MKI67: variants seen among roughly 807,000 people sequenced by gnomAD.
MKI67 encodes marker of proliferation Ki-67, also known as proliferation marker protein Ki-67.
Under a neutral mutation model 233.5 loss-of-function variants are expected in MKI67, and 152 were observed. That is an observed-to-expected ratio of 0.65 (90% CI 0.57 to 0.74). The LOEUF (loss-of-function observed/expected upper bound fraction) is 0.74, where lower values mean the gene tolerates loss of function less well. Ranked by LOEUF, MKI67 falls within the 30% of genes least tolerant of loss-of-function variation. The pLI is 0.00. For synonymous variants in MKI67, 1,465 were observed against 1,418.5 expected (o/e 1.03, Z -0.74); for missense variants, 3,940 against 3,885.2 (o/e 1.01, Z -0.37).
chr10:128,105,396 T>A lies in MKI67; in HGVS notation c.6444A>T (p.Lys2148Asn), dbSNP rs1192679657. ...KQLTQTTHTD[K>N]VPGDEDKGIN... ...TGCCTTTATCCTCATCTCCTGGTAC[T>A]TTGTCTGTGTGTGTGGTCTGTGTGA... The change falls in exon 13 of 15, where the codon AAA (lysine) becomes AAT (asparagine). Residue 2148 changes from lysine to asparagine, a missense_variant. Coordinates refer to ENST00000368654, the MANE Select transcript of MKI67 (RefSeq NM_002417.5). 5 of 1,614,202 alleles carry A rather than the reference T, an allele frequency of 3.1e-6. No individual in the cohort carries two copies. The highest frequency in any genetic ancestry group is 4.2e-6 in the Non-Finnish European group (5 of 1,180,026).
chr10:128,107,856 G>T lies in MKI67; in HGVS notation c.3984C>A (p.Gly1328=). The T allele has an allele frequency of 6.2e-7, 1 of 1,613,358 alleles. No homozygotes were observed. Among genetic ancestry groups the T allele is most frequent in the South Asian group, 1.1e-5 (1 of 91,054 alleles). Residue 1328 remains glycine, a synonymous_variant, in exon 13 of 15, where the codon GGC becomes GGA. Transcript: ENST00000368654. ...QKLDLTENLT[G]SKRRPQTPKE... ...TAGGAGTTTGTGGCCGTCTCTTGCT[G>T]CCGGTTAAGTTCTCTGTCAGGTCCA...
Position 128,121,463 on chromosome 10 carries a change from T to TATATATA in MKI67, c.287+1411_287+1417dup, listed in dbSNP as rs1298307900. Among the ~76,000 whole-genome samples, 4 of 139,424 alleles carry TATATATA rather than the reference T, an allele frequency of 2.9e-5. No homozygotes were observed. In the Admixed American group the frequency reaches 3.1e-4, roughly 11 times the overall value. The allele number at this position is 139,424 out of a possible 152,430, so 91.5% of individuals were successfully genotyped here. On this transcript the variant is annotated intron_variant, in intron 4 of 14. Transcript: ENST00000368654. The stretch of plus-strand genomic sequence containing the variant: ...ACTGTATACAGTATATACTATATGG[T>TATATATA]ATATATAATATATATTATTATATTA...
chr10:128,105,868 G>A lies in MKI67; in HGVS notation c.5972C>T (p.Thr1991Ile). The change falls in exon 13 of 15, where the codon ACC (threonine) becomes ATC (isoleucine). Residue 1991 changes from threonine (T) to isoleucine (I), a missense_variant. Transcript: ENST00000368654. Reference sequence around the variant, plus strand: ...GAGTCGTTGCTTGGAGCTTGTTGGGGTTTTGACTGGGTCTGGTTGTGGAGA... The same window carrying A: ...GAGTCGTTGCTTGGAGCTTGTTGGGATTTTGACTGGGTCTGGTTGTGGAGA... ...CKSPQPDPVK[T>I]PTSSKQRLKI... 6.2e-7 allele frequency: 1 copy of A among 1,613,992 alleles called. No homozygotes were observed. The highest frequency in any genetic ancestry group is 8.5e-7 in the Non-Finnish European group (1 of 1,180,014).
Position 128,125,989 on chromosome 10 carries a change from C to T in MKI67, c.-90+110G>A. 1 of 374,122 alleles carries T rather than the reference C, an allele frequency of 2.7e-6. No homozygotes were observed. Among genetic ancestry groups the T allele is most frequent in the South Asian group, 2.3e-5 (1 of 42,958 alleles). The allele number at this position is 374,122 out of a possible 1,614,324, so 23.2% of individuals were successfully genotyped here. ...GCCCTCGCCAGAGCCCAGGAGGAGT[C>T]GGGCCCAGGCCGCGCGTCTGTCCCC... On this transcript the variant is annotated intron_variant, in intron 1 of 14. Transcript: ENST00000368654. This position sits in a 1 kb window ranked among gnomAD's most constrained non-coding sequence, Gnocchi z 5.3.
At position 128,105,794 on chromosome 10, in the gene MKI67, C is replaced by T. The variant is rs771980316; in HGVS notation, c.6046G>A (p.Gly2016Ser). 17 of 1,614,128 alleles carry T rather than the reference C, an allele frequency of 1.1e-5. No individual in the cohort carries two copies. The Middle Eastern group carries it at 4.9e-4, about 47-fold the overall frequency. Residue 2016 changes from glycine to serine, a missense_variant, in exon 13 of 15, where the codon GGC (glycine) becomes AGC (serine). Physicochemically the swap from Gly to Ser is moderately conservative, Grantham distance 56. Transcript: ENST00000368654. ...VGVKEEVLPV[G>S]KLTQTSGKTT... The stretch of plus-strand genomic sequence containing the variant: ...TTCCCTGACGTCTGTGTGAGCTTGC[C>T]GACTGGTAGGACCTCTTCTTTCACA...
rs763575402 is a variant in MKI67 at position 128,099,267 on chromosome 10, GA to G, written c.9706-13del. ...ACATTGTCCTCAGCCTGTGTGGGAA[GA>G]AAAAAAATAGAACTCTTAAGTAATT... On this transcript the variant is annotated splice_polypyrimidine_tract_variant and intron_variant, in intron 14 of 14. Transcript: ENST00000368654. The G allele has an allele frequency of 6.7e-5, 107 of 1,596,492 alleles. No individual in the cohort carries two copies. The highest frequency in any genetic ancestry group is 5.0e-4 in the Middle Eastern group (3 of 6,014).
At chr10:128,111,849 T>C (rs755369036) in intron 10 of MKI67, 33 bp from the exon 11 acceptor site, 1 of 1,610,474 alleles carries the variant, frequency 6.2e-7, no homozygotes, top group Non-Finnish European at 8.5e-7. Context: ...AAACAGGACA[T>C]TAAAGCATAA....
In MKI67 at chr10:128,105,355, T is replaced by C; in HGVS notation, c.6485A>G (p.Glu2162Gly). The change falls in exon 13 of 15, where the codon GAA becomes GGA. Residue 2162 changes from glutamate (E) to glycine (G), a missense_variant. Physicochemically the swap from Glu to Gly is moderately conservative, Grantham distance 98 (BLOSUM62 -2). Transcript: ENST00000368654. ...DEDKGINVFR[E>G]TAKQKLDPAA... The stretch of plus-strand genomic sequence containing the variant: ...TGGGTCCAGTTTCTGTTTTGCAGTT[T>C]CCCTGAACACGTTGATGCCTTTATC... The C allele has an allele frequency of 1.9e-6, 3 of 1,614,206 alleles. No homozygotes were observed. The highest frequency in any genetic ancestry group is 2.5e-6 in the Non-Finnish European group (3 of 1,180,042).
chr10:128,111,543 AATC>A, intron 11 of MKI67, 99 bp downstream of exon 11: 5 of 934,682 alleles, frequency 5.3e-6, no homozygotes, highest in East Asian at 5.6e-5. Context: ...TTTATTTTAT[AATC>A]TCTTTCACAG....
rs1292474822 is a variant in MKI67 at position 128,115,731 on chromosome 10, C to T, written c.677G>A (p.Cys226Tyr). Residue 226 changes from cysteine (C) to tyrosine (Y), a missense_variant, in exon 7 of 15, where the codon TGT (cysteine) becomes TAT (tyrosine). Cys to Tyr is a radical substitution (Grantham distance 194). Transcript: ENST00000368654. ...GELKSVPTTQ[C>Y]LDNSKKNESP... ...TTCATTTTTTTTGCTATTGTCAAGA[C>T]ATTGTGTAGTGGGAACAGACTTCAA... is the stretch of plus-strand genomic sequence containing the variant. 1.2e-6 allele frequency: 2 copies of T among 1,613,748 alleles called. No homozygotes were observed. The highest frequency in any genetic ancestry group is 1.7e-6 in the Non-Finnish European group (2 of 1,180,022).
rs921517837 is a variant in MKI67, at chr10:128,106,896, T to G, written c.4944A>C (p.Ala1648=). The G allele has an allele frequency of 6.2e-7, 1 of 1,614,090 alleles. No individual in the cohort carries two copies. Among genetic ancestry groups the G allele is most frequent in the Middle Eastern group, 1.6e-4 (1 of 6,062 alleles). The stretch of plus-strand genomic sequence containing the variant: ...CTGATGTCTGTGTGAGCTTGCCAAC[T>G]GCTAGGAGCTCTTCTTTCACGCCCA... ...GKVGVKEELL[A]VGKLTQTSGE... The change falls in exon 13 of 15, where the codon GCA becomes GCC. Residue 1648 remains alanine (A), a synonymous_variant. Coordinates refer to ENST00000368654, the MANE Select transcript of MKI67 (RefSeq NM_002417.5).
rs535387002 is a variant in MKI67 at position 128,104,046 on chromosome 10, C to T, written c.7794G>A (p.Thr2598=). 29 of 1,613,370 alleles carry T rather than the reference C, an allele frequency of 1.8e-5. No homozygotes were observed. Among genetic ancestry groups the T allele is most frequent in the South Asian group, 1.3e-4 (12 of 91,030 alleles). The change falls in exon 13 of 15, where the codon ACG becomes ACA. Residue 2598 remains threonine (T), a synonymous_variant. Coordinates refer to ENST00000368654, the MANE Select transcript of MKI67 (RefSeq NM_002417.5). ...SPPPELTDTA[T]STKRCPKTRP... ...GTGTCTTGGGGCATCTCTTTGTGCT[C>T]GTGGCAGTGTCTGTTAGTTCTGGTG... is the stretch of plus-strand genomic sequence containing the variant.
In MKI67 at chr10:128,122,981, A is replaced by C. The variant is rs1196038392; in HGVS notation, c.187T>G (p.Phe63Val). 3.7e-6 allele frequency: 6 copies of C among 1,604,602 alleles called. No individual in the cohort carries two copies. The highest frequency in any genetic ancestry group is 5.1e-6 in the Non-Finnish European group (6 of 1,171,798). Residue 63 changes from phenylalanine to valine, a missense_variant, in exon 4 of 15, where the codon TTC becomes GTC. Coordinates refer to ENST00000368654, the MANE Select transcript of MKI67 (RefSeq NM_002417.5). ...IHEQEAILHNFSSTNPTQVNG... is the reference protein window; with the variant it reads ...IHEQEAILHNVSSTNPTQVNG... ...ACTTGTGTTGGATTTGTGGAACTGA[A>C]ATTATGTAATATTGCCTGCAAGTGA...
chr10:128,107,724 G>A lies in MKI67; in HGVS notation c.4116C>T (p.Pro1372=). ...AVAAGKTTKM[P]CESSPPESAD... ...CTGATTCTGGTGGAGAAGATTCGCA[G>A]GGCATTTTAGTAGTTTTGCCAGCAG... Residue 1372 remains proline, a synonymous_variant, in exon 13 of 15, where the codon CCC becomes CCT. Coordinates refer to ENST00000368654, the MANE Select transcript of MKI67 (RefSeq NM_002417.5). 6.2e-7 allele frequency: 1 copy of A among 1,613,832 alleles called. No homozygotes were observed. Among genetic ancestry groups the A allele is most frequent in the South Asian group, 1.1e-5 (1 of 91,074 alleles).
intron 2 of MKI67, 95 bp from the exon 3 acceptor site, chr10:128,123,264 T>G: frequency 1.2e-6 from 1 of 864,774 alleles, no homozygotes; most frequent in Non-Finnish European, 1.9e-6. Flanking sequence ...CTAGAATGTT[T>G]GATCTGTAAA....
In MKI67 at chr10:128,104,276, T is replaced by C; in HGVS notation, c.7564A>G (p.Ile2522Val). The change falls in exon 13 of 15, where the codon ATC (isoleucine) becomes GTC (valine). Residue 2522 changes from isoleucine to valine, a missense_variant. Transcript: ENST00000368654. ...TTTGGAGACTCCTTAAACGCTTTGA[T>C]GCTCTTACTATCTCCTGTTGGCTCT... ...HTEPTGDSKSIKAFKESPKQI... is the reference protein window; with the variant it reads ...HTEPTGDSKSVKAFKESPKQI... The C allele has an allele frequency of 1.9e-6, 3 of 1,614,194 alleles. No homozygotes were observed. Among genetic ancestry groups the C allele is most frequent in the Non-Finnish European group, 2.5e-6 (3 of 1,180,036 alleles).
At position 128,102,743 on chromosome 10, in the gene MKI67, C is replaced by A. The variant is rs766885315; in HGVS notation, c.9097G>T (p.Val3033Phe). ...EELPASKKQRVAPRARGKSSE... is the reference protein window; with the variant it reads ...EELPASKKQRFAPRARGKSSE... ...GATTTGCCTCTTGCCCTGGGAGCAACCCTCTGCTTCTTGCTGGCTGGCAGC... is the reference window on the plus strand; with the variant it reads ...GATTTGCCTCTTGCCCTGGGAGCAAACCTCTGCTTCTTGCTGGCTGGCAGC... Residue 3033 changes from valine to phenylalanine, a missense_variant, in exon 13 of 15, where the codon GTT (valine) becomes TTT (phenylalanine). By Grantham distance (50) the Val-to-Phe change is conservative (BLOSUM62 -1). Transcript: ENST00000368654. 38 of 1,614,086 alleles carry A rather than the reference C, an allele frequency of 2.4e-5. No homozygotes were observed. Among genetic ancestry groups the A allele is most frequent in the Non-Finnish European group, 2.6e-5 (31 of 1,180,048 alleles).
chr10:128,111,375 G>A (rs1035024169), intron 11 of MKI67: 2 of 336,822 alleles, frequency 5.9e-6, no homozygotes, highest in African/African-American at 2.1e-5. Flanking sequence ...AGCTTTCTAT[G>A]TATACGCTGC....
chr10:128,112,768 A>G (rs1852709106), intron 8 of MKI67, among the ~76,000 whole-genome samples: 2 of 152,148 alleles, frequency 1.3e-5, no homozygotes, highest in Non-Finnish European at 2.9e-5. Context: ...GGCAGTCCAC[A>G]TGGAGGGAGG....
Sources: gnomAD v4.1 joint callset for allele counts (sites outside exome capture counted in the v4.1 genomes callset) on GRCh38, gnomAD v4.1.1 for gene constraint, Gnocchi (gnomAD v3.1) non-coding constraint, MANE v1.5 for transcripts, NCBI Gene and HGNC (gene_info 2026-07-23, HGNC 2026-07-21) for gene names.